Variants in FSHR observed in about 807,000 individuals in gnomAD.
FSHR encodes the protein follicle-stimulating hormone receptor.
Under a neutral mutation model 52.1 loss-of-function variants are expected in FSHR, and 46 were observed. The ratio of observed to expected loss-of-function variants is 0.88; its 90% CI spans 0.70 to 1.13. The LOEUF (loss-of-function observed/expected upper bound fraction) is 1.13, where lower values mean the gene tolerates loss of function less well. Among genes scored for constraint, FSHR ranks in the 50% most tolerant of loss-of-function variants. FSHR has a pLI of 0.00. For missense variants in FSHR, 964 were observed against 834.6 expected (o/e 1.16, Z -1.91); for synonymous variants, 399 against 309.6 (o/e 1.29, Z -3.03).
chr2:49,060,612 C>T (rs541944479), intron 2 of FSHR, among the ~76,000 whole-genome samples: 56 of 152,278 alleles, frequency 3.7e-4, no homozygotes, highest in African/African-American at 1.3e-3. Context: ...ATGCCCTGGC[C>T]AAGCTGAACA....
intron 1 of FSHR, among the ~76,000 whole-genome samples, chr2:49,090,910 A>AT (rs1572731581): frequency 6.6e-6 from 1 of 151,362 alleles, no homozygotes; most frequent in African/African-American, 2.4e-5. Context: ...TCATTCTTAT[A>AT]TTTTTTTTGG....
intron 1 of FSHR, among the ~76,000 whole-genome samples, chr2:49,150,116 C>A (rs922575681): frequency 1.3e-5 from 2 of 151,960 alleles, no homozygotes; most frequent in Non-Finnish European, 2.9e-5. Context: ...TTTTCTAGAT[C>A]CACTGACTGC....
intron 1 of FSHR, among the ~76,000 whole-genome samples, chr2:49,070,091 A>G (rs147340115): frequency 3.9e-5 from 6 of 152,294 alleles, no homozygotes; most frequent in African/African-American, 1.2e-4. Context: ...AGCAGTTTAT[A>G]TACTTGCTGG....
intron 2 of FSHR, among the ~76,000 whole-genome samples, chr2:49,038,317 A>G (rs1340968598): frequency 1.3e-5 from 2 of 152,174 alleles, no homozygotes; most frequent in African/African-American, 4.8e-5. Flanking sequence ...ATACTTACAC[A>G]GTTAAAAATA....
rs762734500 is a variant in FSHR, at chr2:49,020,181, A to G, written c.225-21T>C. The G allele has an allele frequency of 8.2e-6, 13 of 1,588,262 alleles. No homozygotes were observed. In the East Asian group the frequency reaches 2.7e-4, roughly 33 times the overall value. On this transcript the variant is annotated intron_variant, in intron 2 of 9. Transcript: ENST00000406846. ...TCTCTCTGTGGAGAAAAAAATATAT[A>G]AGTCAAGCCAGTTCAGTTACACTCC...
intron 2 of FSHR, among the ~76,000 whole-genome samples, chr2:49,021,882 T>TAGAGAG (rs1225380156): frequency 2.5e-4 from 11 of 43,924 alleles, no homozygotes; most frequent in Non-Finnish European, 4.1e-4. Context: ...TATATATATA[T>TAGAGAG]ATATAGAGAG....
intron 1 of FSHR, among the ~76,000 whole-genome samples, chr2:49,114,173 T>C (rs1671521649): frequency 6.6e-6 from 1 of 152,110 alleles, no homozygotes; most frequent in Admixed American, 6.6e-5. Flanking sequence ...ACAAATAACT[T>C]TGGCACCCCA....
chr2:49,108,956 G>A (rs772323230), intron 1 of FSHR, among the ~76,000 whole-genome samples: 19 of 152,146 alleles, frequency 1.2e-4, no homozygotes, highest in Non-Finnish European at 2.4e-4. Flanking sequence ...TGCCTTTTTG[G>A]TGCTCATAGT....
At chr2:49,114,212 T>G (rs1033962537) in intron 1 of FSHR, among the ~76,000 whole-genome samples, 2 of 152,162 alleles carry the variant, frequency 1.3e-5, no homozygotes, top group Non-Finnish European at 2.9e-5. Context: ...TACAATCACC[T>G]GCACTTAGGG....
At chr2:49,088,297 A>G (rs936629639) in intron 1 of FSHR, among the ~76,000 whole-genome samples, 4 of 152,210 alleles carry the variant, frequency 2.6e-5, no homozygotes, top group African/African-American at 4.8e-5. Flanking sequence ...TTCTTTAAAA[A>G]GTAGGACCAG....
intron 1 of FSHR, among the ~76,000 whole-genome samples, chr2:49,144,406 T>A (rs561466929): frequency 6.6e-6 from 1 of 152,240 alleles, no homozygotes; most frequent in South Asian, 2.1e-4. Flanking sequence ...TTCCCCTTAT[T>A]TCTAGTATTT....
intron 1 of FSHR, among the ~76,000 whole-genome samples, chr2:49,104,491 A>G (rs138917722): frequency 1.2e-4 from 18 of 152,188 alleles, no homozygotes; most frequent in Non-Finnish European, 1.5e-4. Flanking sequence ...CTTTTCTTTT[A>G]GATAGAAAGA....
chr2:49,092,334 C>A (rs962416865), intron 1 of FSHR, among the ~76,000 whole-genome samples: 2 of 152,080 alleles, frequency 1.3e-5, no homozygotes, highest in South Asian at 2.1e-4. Context: ...CAATTTTGTT[C>A]CTGTGTTTCC....
At chr2:49,079,313 T>C (rs1670073588) in intron 1 of FSHR, among the ~76,000 whole-genome samples, 1 of 152,176 alleles carries the variant, frequency 6.6e-6, no homozygotes, top group Non-Finnish European at 1.5e-5. Flanking sequence ...TCCACATCAG[T>C]ATATAAATTG....
In FSHR at chr2:49,087,737, C is replaced by T. The variant is rs983065996; in HGVS notation, c.153-19447G>A. 5.3e-5 allele frequency among the ~76,000 whole-genome samples: 8 copies of T among 152,104 alleles called. No individual in the cohort carries two copies. The East Asian group carries it at 7.7e-4, about 15-fold the overall frequency. On this transcript the variant is annotated intron_variant, in intron 1 of 9. Transcript: ENST00000406846. ...GACAGAGGGAGGGAGCAAGGGAAGG[C>T]GAAAGATGTGGGAGAGGACTAATAT...
At chr2:48,981,527 G>A (rs568924024) in intron 8 of FSHR, among the ~76,000 whole-genome samples, 37 of 152,214 alleles carry the variant, frequency 2.4e-4, no homozygotes, top group South Asian at 1.5e-3. Context: ...CTGTATCTCC[G>A]CTTTAATCAC....
At chr2:48,976,363 T>A (rs1559086720) in intron 8 of FSHR, among the ~76,000 whole-genome samples, 1 of 152,208 alleles carries the variant, frequency 6.6e-6, no homozygotes, top group Non-Finnish European at 1.5e-5. Flanking sequence ...ATAAGCTTTT[T>A]GATGTGCTGC....
intron 2 of FSHR, among the ~76,000 whole-genome samples, chr2:49,061,059 G>T (rs1176772625): frequency 2.6e-5 from 4 of 152,062 alleles, no homozygotes; most frequent in African/African-American, 4.8e-5. Flanking sequence ...AGGGATCAAG[G>T]TAGTACTGTA....
chr2:49,054,336 G>T (rs60558910), intron 2 of FSHR, among the ~76,000 whole-genome samples: 8,282 of 152,100 alleles, frequency 0.054, 273 homozygotes, highest in African/African-American at 0.067. Flanking sequence ...CTCCAAGCTG[G>T]CTAAGCAACC....
Sources: gnomAD v4.1 joint callset for allele counts (sites outside exome capture counted in the v4.1 genomes callset) on GRCh38, gnomAD v4.1.1 for gene constraint, MANE v1.5 for transcripts, NCBI Gene and HGNC (gene_info 2026-07-23, HGNC 2026-07-21) for gene names.